Variants in FBXO28 observed in about 807,000 individuals in gnomAD.
The protein encoded by FBXO28 is F-box only protein 28.
A neutral mutation model predicts 38.1 loss-of-function variants in FBXO28; 8 were observed. That is an observed-to-expected ratio of 0.21 (90% CI 0.12 to 0.38). The LOEUF (loss-of-function observed/expected upper bound fraction) is 0.38, where lower values mean the gene tolerates loss of function less well. Ranked by LOEUF, FBXO28 falls within the 10% of genes least tolerant of loss-of-function variation. The pLI is 1.00. For synonymous variants in FBXO28, 168 were observed against 173.8 expected, an observed-to-expected ratio of 0.97 and a Z score of 0.26; for missense variants, 345 against 460.6, an observed-to-expected ratio of 0.75 and a Z score of 2.30.
Position 224,161,256 on chromosome 1 carries a change from T to C in FBXO28, c.*3510T>C, listed in dbSNP as rs190582307. The C allele has an allele frequency of 6.6e-6, 1 of 151,494 alleles. No individual in the cohort carries two copies. The highest frequency in any genetic ancestry group is 2.4e-5 in the African/African-American group (1 of 41,146). The allele number at this position is 151,494 out of a possible 1,614,324, so 9.4% of individuals were successfully genotyped here. On this transcript the variant is annotated 3_prime_UTR_variant, in exon 5 of 5. Coordinates refer to ENST00000366862, the MANE Select transcript of FBXO28 (RefSeq NM_015176.4). ...ATTATATAATTTTAATTTAATGTAA[T>C]GTAAATCTCATACTTGGTGATCAGC...
At chr1:224,124,953 C>T (rs1052342098) in intron 1 of FBXO28, among the ~76,000 whole-genome samples, 2 of 152,116 alleles carry the variant, frequency 1.3e-5, no homozygotes, top group African/African-American at 4.8e-5. Flanking sequence ...TCTTGAACTC[C>T]TAACCTCAGC....
At chr1:224,145,568 T>C (rs187041432) in intron 3 of FBXO28, among the ~76,000 whole-genome samples, 1 of 152,300 alleles carries the variant, frequency 6.6e-6, no homozygotes, top group Non-Finnish European at 1.5e-5. Context: ...CATATATGGT[T>C]TGTCATTGAC....
Position 224,130,545 on chromosome 1 carries a change from A to G in FBXO28, c.341A>G (p.Asn114Ser). The G allele has an allele frequency of 6.2e-7, 1 of 1,613,858 alleles. No homozygotes were observed. Among genetic ancestry groups the G allele is most frequent in the Non-Finnish European group, 8.5e-7 (1 of 1,179,754 alleles). Reference protein sequence around the residue: ...QGFLKVERYHNLCQKQVKAQL... With the variant: ...QGFLKVERYHSLCQKQVKAQL... ...TTTCTGAAAGTGGAGAGGTACCATAATCTATGTCAGAAACAAGTTAAAGCA... is the reference window on the plus strand; with the variant it reads ...TTTCTGAAAGTGGAGAGGTACCATAGTCTATGTCAGAAACAAGTTAAAGCA... The change falls in exon 2 of 5, where the codon AAT becomes AGT. Residue 114 changes from asparagine to serine, a missense_variant. Coordinates refer to ENST00000366862, the MANE Select transcript of FBXO28 (RefSeq NM_015176.4).
intron 3 of FBXO28, among the ~76,000 whole-genome samples, chr1:224,151,902 T>C (rs1195065050): frequency 1.3e-5 from 2 of 151,748 alleles, no homozygotes; most frequent in Admixed American, 1.3e-4. Flanking sequence ...ATTAGCCAGG[T>C]GTGGTGGCAC....
chr1:224,156,879 G>A (rs1657785685), intron 4 of FBXO28, among the ~76,000 whole-genome samples: 1 of 151,786 alleles, frequency 6.6e-6, no homozygotes, highest in South Asian at 2.1e-4. Flanking sequence ...GCGGGTGCCT[G>A]TAGTCCCAGC....
chr1:224,142,213 G>T (rs1359053389), intron 3 of FBXO28, among the ~76,000 whole-genome samples: 2 of 151,918 alleles, frequency 1.3e-5, no homozygotes, highest in South Asian at 2.1e-4. Flanking sequence ...TTAGCCAGGC[G>T]TGGTGGCGTG....
chr1:224,116,715 A>G (rs1558184946), intron 1 of FBXO28, among the ~76,000 whole-genome samples: 1 of 152,342 alleles, frequency 6.6e-6, no homozygotes, highest in East Asian at 1.9e-4. Flanking sequence ...AAATAGGTAC[A>G]CAATCCATGT....
intron 1 of FBXO28, among the ~76,000 whole-genome samples, chr1:224,126,625 A>G (rs1656909665): frequency 6.6e-6 from 1 of 152,120 alleles, no homozygotes; most frequent in South Asian, 2.1e-4. Context: ...GACCAGCCTA[A>G]CCAACATAGT....
chr1:224,141,563 T>C (rs1411137968), intron 3 of FBXO28, among the ~76,000 whole-genome samples: 1 of 151,978 alleles, frequency 6.6e-6, no homozygotes, highest in African/African-American at 2.4e-5. Context: ...CATGTGAACA[T>C]ACATCATAGA....
At chr1:224,131,709 A>G (rs1399828891) in intron 2 of FBXO28, among the ~76,000 whole-genome samples, 2 of 152,202 alleles carry the variant, frequency 1.3e-5, no homozygotes, top group Non-Finnish European at 2.9e-5. Context: ...TCAGCACTAT[A>G]CTATATAACC....
chr1:224,150,546 GTAGC>G (rs1160110158), intron 3 of FBXO28, among the ~76,000 whole-genome samples: 11 of 151,904 alleles, frequency 7.2e-5, no homozygotes, highest in Non-Finnish European at 1.6e-4. Context: ...TAAGCTTTGA[GTAGC>G]TAGCTTCCAC....
rs143077721 is a variant in FBXO28, at chr1:224,138,894, G to T, written c.516+4682G>T. Among the ~76,000 whole-genome samples the T allele has an allele frequency of 9.4e-4, 142 of 151,864 alleles. 2 individuals carry two copies. Among genetic ancestry groups the T allele is most frequent in the African/African-American group, 3.4e-3 (139 of 41,180 alleles). ...CCTCCTGGGTTCAAGCGATTCTCCT[G>T]CCTCAGCCTCCTGAGTAGCTGGGAC... On this transcript the variant is annotated intron_variant, in intron 3 of 4. Coordinates refer to ENST00000366862, the MANE Select transcript of FBXO28 (RefSeq NM_015176.4).
chr1:224,125,451 A>G (rs1042738358), intron 1 of FBXO28, among the ~76,000 whole-genome samples: 1 of 151,778 alleles, frequency 6.6e-6, no homozygotes, highest in Non-Finnish European at 1.5e-5. Context: ...TTTGGGGTTC[A>G]TGTACATTTA....
intron 3 of FBXO28, among the ~76,000 whole-genome samples, chr1:224,144,847 C>T (rs1400851252): frequency 1.3e-5 from 2 of 152,132 alleles, no homozygotes; most frequent in African/African-American, 4.8e-5. Context: ...GCTTTACAAA[C>T]ATGTATTCCC....
chr1:224,124,444 A>C (rs1385084335), intron 1 of FBXO28, among the ~76,000 whole-genome samples: 1 of 152,220 alleles, frequency 6.6e-6, no homozygotes, highest in Non-Finnish European at 1.5e-5. Context: ...ATTAGGCTTC[A>C]GGATTTTATT....
intron 3 of FBXO28, among the ~76,000 whole-genome samples, chr1:224,151,656 G>A (rs547778398): frequency 6.6e-6 from 1 of 152,306 alleles, no homozygotes; most frequent in East Asian, 1.9e-4. Flanking sequence ...CAGGTTGTTT[G>A]AGATTTTGGT....
intron 1 of FBXO28, among the ~76,000 whole-genome samples, chr1:224,125,897 G>A (rs538538239): frequency 1.3e-5 from 2 of 152,242 alleles, no homozygotes; most frequent in Admixed American, 1.3e-4. Flanking sequence ...CCAAAGTGCT[G>A]GGATTACAGG....
Position 224,114,720 on chromosome 1 carries a change from G to C in FBXO28, c.267+324G>C, listed in dbSNP as rs987177876. 6.0e-5 allele frequency among the ~76,000 whole-genome samples: 9 copies of C among 150,260 alleles called. No individual in the cohort carries two copies. The South Asian group carries it at 1.9e-3, about 32-fold the overall frequency. Reference sequence around the variant, plus strand: ...CCACCTTCCGCCTGGCCCGAGAGTAGACCCGGAGAGGTCATGTCGCCTGCC... The same window carrying C: ...CCACCTTCCGCCTGGCCCGAGAGTACACCCGGAGAGGTCATGTCGCCTGCC... On this transcript the variant is annotated intron_variant, in intron 1 of 4. Transcript: ENST00000366862.
rs191338234 is a variant in FBXO28, at chr1:224,130,405, C to T, written c.268-67C>T. 3,667 of 1,004,228 alleles carry T rather than the reference C, an allele frequency of 3.7e-3. 19 individuals are homozygous for T. Among genetic ancestry groups the T allele is most frequent in the Non-Finnish European group, 4.3e-3 (2,736 of 634,626 alleles). 62.2% of individuals were successfully genotyped at this position (1,004,228 alleles called of 1,614,324 possible). A position where few individuals can be genotyped will look rare whatever the true frequency, so the allele number is the denominator to read the frequency against. ...TGGGATACAGAGAGCTTTAAGCCAT[C>T]AGTTATGAGTCTCAGTTGTCTCTTA... is the stretch of plus-strand genomic sequence containing the variant. On this transcript the variant is annotated intron_variant, in intron 1 of 4. Coordinates refer to ENST00000366862, the MANE Select transcript of FBXO28 (RefSeq NM_015176.4).
Sources: allele counts gnomAD v4.1 joint callset (sites outside exome capture counted in the v4.1 genomes callset), GRCh38; gene constraint gnomAD v4.1.1; transcripts MANE v1.5; gene names NCBI Gene and HGNC (gene_info 2026-07-23, HGNC 2026-07-21).